The following IFT88 variants were observed in gnomAD, a reference collection of about 807,000 sequenced individuals.
IFT88 encodes the protein intraflagellar transport protein 88 homolog.
A neutral mutation model predicts 119.5 loss-of-function variants in IFT88; 74 were observed. The observed-to-expected ratio is 0.62, with a 90% CI of 0.51 to 0.75. IFT88 has a LOEUF of 0.75. Ranked by LOEUF, IFT88 falls within the 30% of genes least tolerant of loss-of-function variation. IFT88 has a pLI of 0.00. For missense variants in IFT88, 961 were observed against 977.7 expected, an observed-to-expected ratio of 0.98 and a Z score of 0.23; for synonymous variants, 279 against 316.7, an observed-to-expected ratio of 0.88 and a Z score of 1.26.
At chr13:20,663,922 G>A (rs1484685162) in intron 23 of IFT88, among the ~76,000 whole-genome samples, 1 of 152,194 alleles carries the variant, frequency 6.6e-6, no homozygotes, top group Non-Finnish European at 1.5e-5. Context: ...GGAAAGTCCT[G>A]TGGACCATGA....
intron 2 of IFT88, among the ~76,000 whole-genome samples, chr13:20,581,377 G>C (rs1419783444): frequency 6.6e-6 from 1 of 152,170 alleles, no homozygotes; most frequent in Admixed American, 6.5e-5. Flanking sequence ...AGGATTTACT[G>C]AGCTGATTAA....
chr13:20,578,031 C>CTTTTTTT (rs1566055004), intron 2 of IFT88, among the ~76,000 whole-genome samples: 1 of 59,824 alleles, frequency 1.7e-5, no homozygotes, highest in African/African-American at 5.1e-5. Flanking sequence ...AGTCTTGTTA[C>CTTTTTTT]TTCTTTTTTT....
At chr13:20,667,321 T>C (rs2054875921) in intron 23 of IFT88, among the ~76,000 whole-genome samples, 1 of 152,180 alleles carries the variant, frequency 6.6e-6, no homozygotes, top group Admixed American at 6.5e-5. Flanking sequence ...CTTCACTATG[T>C]TTACAAGTGT....
chr13:20,652,800 G>A (rs1014032870), intron 20 of IFT88, among the ~76,000 whole-genome samples: 1 of 152,160 alleles, frequency 6.6e-6, no homozygotes, highest in Admixed American at 6.5e-5. Context: ...TGTTAGGAGA[G>A]CATATGGAAC....
chr13:20,619,995 T>C (rs2139782389), intron 14 of IFT88, among the ~76,000 whole-genome samples: 1 of 152,348 alleles, frequency 6.6e-6, no homozygotes, highest in Middle Eastern at 3.4e-3. Context: ...ATATTATTTT[T>C]TGAGAAGTGC....
intron 24 of IFT88, among the ~76,000 whole-genome samples, chr13:20,675,866 G>A (rs892395056): frequency 3.3e-5 from 5 of 152,172 alleles, no homozygotes; most frequent in Admixed American, 6.5e-5. Context: ...CAAAAATAGG[G>A]TGGGCCAGAT....
chr13:20,619,798 A>G (rs370240647), intron 14 of IFT88, among the ~76,000 whole-genome samples: 1 of 152,036 alleles, frequency 6.6e-6, no homozygotes, highest in East Asian at 1.9e-4. Context: ...AGATACCGCT[A>G]AACAGTTTTC....
chr13:20,611,317 A>G (rs1452804778), intron 13 of IFT88, among the ~76,000 whole-genome samples: 3 of 151,422 alleles, frequency 2.0e-5, no homozygotes, highest in Non-Finnish European at 4.4e-5. Context: ...ACTTAATGGA[A>G]AGAGACTAAA....
chr13:20,673,339 T>A (rs1030515421), intron 24 of IFT88, among the ~76,000 whole-genome samples: 1 of 152,152 alleles, frequency 6.6e-6, no homozygotes, highest in African/African-American at 2.4e-5. Flanking sequence ...TACCTCCTAA[T>A]GGGATGTGAT....
chr13:20,605,155 ATTTAATG>A (rs2043204416), intron 13 of IFT88, 50 bp downstream of exon 13: 4 of 744,992 alleles, frequency 5.4e-6, no homozygotes, highest in Non-Finnish European at 8.7e-6. Context: ...TATTTAAAAT[ATTTAATG>A]TTTAGTATTA....
chr13:20,654,040 T>C (rs186565023), intron 21 of IFT88, 112 bp downstream of exon 21: 191 of 507,102 alleles, frequency 3.8e-4, no homozygotes, highest in African/African-American at 3.4e-3. Context: ...TACTAACTTT[T>C]TATAACTGTA....
intron 2 of IFT88, among the ~76,000 whole-genome samples, chr13:20,580,569 A>G (rs890423706): frequency 2.0e-5 from 3 of 152,020 alleles, no homozygotes. Context: ...TTTTCTCATG[A>G]TAGGATATTT....
intron 22 of IFT88, among the ~76,000 whole-genome samples, chr13:20,658,067 G>A (rs1176148463): frequency 6.6e-6 from 1 of 151,954 alleles, no homozygotes; most frequent in Non-Finnish European, 1.5e-5. Flanking sequence ...ATACCAGTCA[G>A]GAAATAGGCT....
rs1412617756 is a variant in IFT88 at position 20,638,317 on chromosome 13, A to G, written c.1387-15A>G. 2 of 1,282,354 alleles carry G rather than the reference A, an allele frequency of 1.6e-6. No homozygotes were observed. Among genetic ancestry groups the G allele is most frequent in the African/African-American group, 1.5e-5 (1 of 65,548 alleles). 79.4% of individuals were successfully genotyped at this position (1,282,354 alleles called of 1,614,324 possible). A position where few individuals can be genotyped will look rare whatever the true frequency, so the allele number is the denominator to read the frequency against. On this transcript the variant is annotated splice_polypyrimidine_tract_variant and intron_variant, in intron 16 of 25. Coordinates refer to ENST00000351808, the MANE Select transcript of IFT88 (RefSeq NM_006531.5). The stretch of plus-strand genomic sequence containing the variant: ...TTCATGAAATTCAAATAATTTGTAT[A>G]TGTATTTTACTTAGGGAAAGGATTT...
At chr13:20,627,766 A>C (rs1009762032) in intron 15 of IFT88, among the ~76,000 whole-genome samples, 1 of 148,814 alleles carries the variant, frequency 6.7e-6, no homozygotes, top group African/African-American at 2.5e-5. Context: ...TTAAGAATGC[A>C]TTGCCATGGC....
At chr13:20,610,753 T>C (rs1288252861) in intron 13 of IFT88, among the ~76,000 whole-genome samples, 1 of 151,692 alleles carries the variant, frequency 6.6e-6, no homozygotes, top group East Asian at 1.9e-4. Context: ...CAAATTGAAA[T>C]ATTAACAAAA....
chr13:20,602,496 C>T (rs2042771532), intron 12 of IFT88, among the ~76,000 whole-genome samples: 1 of 152,066 alleles, frequency 6.6e-6, no homozygotes, highest in African/African-American at 2.4e-5. Flanking sequence ...TGAGCCTGGC[C>T]AAGGGTAATA....
chr13:20,578,132 C>A (rs1593710985), intron 2 of IFT88, among the ~76,000 whole-genome samples: 2 of 146,332 alleles, frequency 1.4e-5, no homozygotes, highest in Admixed American at 1.4e-4. Flanking sequence ...GCAAGCTCTG[C>A]CTCCCAGGTT....
intron 14 of IFT88, among the ~76,000 whole-genome samples, chr13:20,616,901 T>C (rs1040537536): frequency 1.3e-5 from 2 of 152,116 alleles, no homozygotes; most frequent in African/African-American, 4.8e-5. Context: ...CACTGTTGTC[T>C]ATGTGGTTGG....
Sources: allele counts gnomAD v4.1 joint callset (sites outside exome capture counted in the v4.1 genomes callset), GRCh38; gene constraint gnomAD v4.1.1; transcripts MANE v1.5; gene names NCBI Gene and HGNC (gene_info 2026-07-23, HGNC 2026-07-21).